EPHB1: variants seen among roughly 807,000 people sequenced by gnomAD.
The protein encoded by EPHB1 is EPH receptor B1.
A neutral mutation model predicts 94.4 loss-of-function variants in EPHB1; 30 were observed. The observed-to-expected ratio is 0.32, with a 90% confidence interval of 0.24 to 0.43. The LOEUF is 0.43. Among genes scored for constraint, EPHB1 ranks in the 20% least tolerant of loss-of-function variants. EPHB1 has a pLI of 1.00. For missense variants in EPHB1, 1,055 were observed against 1,308.3 expected (o/e 0.81, Z 2.99); for synonymous variants, 522 against 489.1 (o/e 1.07, Z -0.89).
intron 15 of EPHB1, among the ~76,000 whole-genome samples, chr3:135,255,928 ATAGT>A (rs1933363783): frequency 6.8e-6 from 1 of 147,862 alleles, no homozygotes; most frequent in African/African-American, 2.5e-5. Context: ...TATATTTAGG[ATAGT>A]TAGCTCTTCT....
chr3:134,974,953 C>CGT (rs11274390), intron 3 of EPHB1, among the ~76,000 whole-genome samples: 1 of 152,168 alleles, frequency 6.6e-6, no homozygotes, highest in Non-Finnish European at 1.5e-5. Context: ...CCCTCCCTGC[C>CGT]ACTGCCCATC....
intron 3 of EPHB1, among the ~76,000 whole-genome samples, chr3:134,972,408 T>C (rs1230056977): frequency 6.8e-6 from 1 of 146,204 alleles, no homozygotes; most frequent in East Asian, 1.9e-4. Context: ...ATATTATATA[T>C]CTTTTATATA....
chr3:135,031,410 A>T lies in EPHB1; in HGVS notation c.806-75038A>T, dbSNP rs1223878156. 2.0e-5 allele frequency among the ~76,000 whole-genome samples: 3 copies of T among 152,264 alleles called. No individual in the cohort carries two copies. In the East Asian group the frequency reaches 5.8e-4, roughly 29 times the overall value. On this transcript the variant is annotated intron_variant, in intron 3 of 15. Coordinates refer to ENST00000398015, the MANE Select transcript of EPHB1 (RefSeq NM_004441.5). ...CTGCAACTTCTGCCTCCTGGGCTCAAATAATCCTCCTGCCTCAGCATCCAG... is the reference window on the plus strand; with the variant it reads ...CTGCAACTTCTGCCTCCTGGGCTCATATAATCCTCCTGCCTCAGCATCCAG...
rs1358613511 is a variant in EPHB1 at position 135,201,558 on chromosome 3, A to C, written c.2215A>C (p.Asn739His). 3.3e-5 allele frequency: 54 copies of C among 1,613,790 alleles called. No individual in the cohort carries two copies. Among genetic ancestry groups the C allele is most frequent in the Non-Finnish European group, 4.5e-5 (53 of 1,179,982 alleles). The change falls in exon 12 of 16, where the codon AAT becomes CAT. Residue 739 changes from asparagine to histidine, a missense_variant. Asn to His is a moderately conservative substitution (Grantham distance 68). Coordinates refer to ENST00000398015, the MANE Select transcript of EPHB1 (RefSeq NM_004441.5). ...TGGCATGAAGTACCTGGCTGAGATG[A>C]ATTATGTGCATCGGGACCTGGCTGC... Reference protein sequence around the residue: ...AAGMKYLAEMNYVHRDLAARN... With the variant: ...AAGMKYLAEMHYVHRDLAARN...
At chr3:134,833,663 G>C (rs938478118) in intron 1 of EPHB1, among the ~76,000 whole-genome samples, 1 of 152,202 alleles carries the variant, frequency 6.6e-6, no homozygotes, top group Non-Finnish European at 1.5e-5. Flanking sequence ...ATGCTGTGGG[G>C]CCCCAGGGTG....
chr3:135,019,392 A>C lies in EPHB1; in HGVS notation c.805+67340A>C, dbSNP rs151047062. ...GTCATGTGTGTGCAAAGCAGACATA[A>C]GCCTTTAAAGGAATAGCATTGCAGT... On this transcript the variant is annotated intron_variant, in intron 3 of 15. Transcript: ENST00000398015. Among the ~76,000 whole-genome samples the C allele has an allele frequency of 5.3e-3, 811 of 152,342 alleles. 10 individuals are homozygous for C. The highest frequency in any genetic ancestry group is 0.019 in the African/African-American group (772 of 41,580).
At chr3:134,986,848 A>T (rs1237723973) in intron 3 of EPHB1, among the ~76,000 whole-genome samples, 1 of 152,164 alleles carries the variant, frequency 6.6e-6, no homozygotes, top group East Asian at 1.9e-4. Flanking sequence ...TAATCTCAGA[A>T]TTTAAACATT....
chr3:134,861,290 C>A (rs1470131727), intron 1 of EPHB1, among the ~76,000 whole-genome samples: 2 of 152,182 alleles, frequency 1.3e-5, no homozygotes, highest in Non-Finnish European at 2.9e-5. Context: ...AAGCAGAAAG[C>A]AGCTGAGTAC....
chr3:134,820,775 C>T (rs1241095134), intron 1 of EPHB1, among the ~76,000 whole-genome samples: 2 of 152,188 alleles, frequency 1.3e-5, no homozygotes, highest in Admixed American at 6.5e-5. Context: ...GGAACGTTTG[C>T]ACCTGCTGTT....
intron 5 of EPHB1, among the ~76,000 whole-genome samples, chr3:135,141,184 C>G (rs1940815270): frequency 7.0e-6 from 1 of 143,128 alleles, no homozygotes; most frequent in Non-Finnish European, 1.5e-5. Context: ...GATGGAAGAG[C>G]AAACGCTTTC....
At chr3:134,918,518 A>T (rs1220235593) in intron 1 of EPHB1, among the ~76,000 whole-genome samples, 1 of 152,206 alleles carries the variant, frequency 6.6e-6, no homozygotes, top group African/African-American at 2.4e-5. Context: ...CATAGTAATA[A>T]TTAGGAAGCC....
chr3:134,907,836 G>A (rs1432604851), intron 1 of EPHB1, among the ~76,000 whole-genome samples: 2 of 152,208 alleles, frequency 1.3e-5, no homozygotes, highest in African/African-American at 4.8e-5. Context: ...GGAAGTGAGG[G>A]ATAATTGTCT....
chr3:134,843,640 T>C (rs2036816128), intron 1 of EPHB1, among the ~76,000 whole-genome samples: 2 of 152,296 alleles, frequency 1.3e-5, no homozygotes, highest in South Asian at 4.1e-4. Flanking sequence ...ATTGATTTTT[T>C]TTCTCTTCAA....
intron 1 of EPHB1, among the ~76,000 whole-genome samples, chr3:134,862,642 G>A (rs1024124922): frequency 1.3e-5 from 2 of 152,190 alleles, no homozygotes; most frequent in African/African-American, 2.4e-5. Flanking sequence ...CTGCCCAGGG[G>A]TGGAAGCTCC....
At chr3:135,158,290 C>G (rs1941413636) in intron 6 of EPHB1, among the ~76,000 whole-genome samples, 1 of 152,180 alleles carries the variant, frequency 6.6e-6, no homozygotes, top group Non-Finnish European at 1.5e-5. Flanking sequence ...CCAAGGAAGT[C>G]CCAGCCCCTC....
chr3:135,138,441 C>A (rs1940699823), intron 5 of EPHB1, among the ~76,000 whole-genome samples: 1 of 152,128 alleles, frequency 6.6e-6, no homozygotes, highest in South Asian at 2.1e-4. Context: ...AAAGAATAAT[C>A]TTTGAATATG....
chr3:134,990,740 G>A (rs1326004749), intron 3 of EPHB1, among the ~76,000 whole-genome samples: 2 of 152,104 alleles, frequency 1.3e-5, no homozygotes, highest in African/African-American at 2.4e-5. Context: ...CTACTACACT[G>A]TAAATAACTT....
chr3:135,071,026 C>T (rs1937688621), intron 3 of EPHB1, among the ~76,000 whole-genome samples: 1 of 152,186 alleles, frequency 6.6e-6, no homozygotes, highest in Non-Finnish European at 1.5e-5. Flanking sequence ...TGTTCCTCCT[C>T]CTCAACCTGG....
At position 135,006,009 on chromosome 3, in the gene EPHB1, T is replaced by C. The variant is rs1935396422; in HGVS notation, c.805+53957T>C. On this transcript the variant is annotated intron_variant, in intron 3 of 15. Transcript: ENST00000398015. ...CACATCTGATGGTTTTATAGGCATC[T>C]GGTATTTCTCCTGCTCACTCTTCTC... Among the ~76,000 whole-genome samples the C allele has an allele frequency of 2.6e-5, 4 of 152,216 alleles. No individual in the cohort carries two copies. In the South Asian group the frequency reaches 8.3e-4, roughly 32 times the overall value.
Sources: allele counts gnomAD v4.1 joint callset (sites outside exome capture counted in the v4.1 genomes callset), GRCh38; gene constraint gnomAD v4.1.1; transcripts MANE v1.5; gene names NCBI Gene and HGNC (gene_info 2026-07-23, HGNC 2026-07-21).